RUNX1: variants seen among roughly 807,000 people sequenced by gnomAD.
RUNX1 encodes RUNX family transcription factor 1.
In RUNX1, 19 loss-of-function variants were observed where a neutral mutation model predicts 42.8. That is an observed-to-expected ratio of 0.44 (90% CI 0.31 to 0.65). The LOEUF is 0.65. Among genes scored for constraint, RUNX1 ranks in the 30% least tolerant of loss-of-function variants. RUNX1 has a pLI of 0.07. For synonymous variants in RUNX1, 271 were observed against 289.4 expected (o/e 0.94, Z 0.64); for missense variants, 528 against 672.0 (o/e 0.79, Z 2.37).
intron 5 of RUNX1, among the ~76,000 whole-genome samples, chr21:34,874,866 G>A (rs541857608): frequency 1.3e-5 from 2 of 152,214 alleles, no homozygotes; most frequent in East Asian, 3.9e-4. Context: ...TGCTGAAACA[G>A]GAAGCTCTAA....
intron 2 of RUNX1, among the ~76,000 whole-genome samples, chr21:34,934,425 C>T (rs2058470642): frequency 6.6e-6 from 1 of 152,026 alleles, no homozygotes; most frequent in Admixed American, 6.6e-5. Context: ...TCTGGCTTAC[C>T]ACCCAAAGGA....
At chr21:34,945,128 ATG>A (rs2146646266) in intron 2 of RUNX1, among the ~76,000 whole-genome samples, 1 of 152,340 alleles carries the variant, frequency 6.6e-6, no homozygotes, top group African/African-American at 2.4e-5. Context: ...AGTATCTGTG[ATG>A]TGCCAGCCAT....
At chr21:34,930,291 T>TATATATATATAA (rs1569110394) in intron 2 of RUNX1, among the ~76,000 whole-genome samples, 3 of 138,808 alleles carry the variant, frequency 2.2e-5, no homozygotes, top group East Asian at 2.0e-4. Context: ...TATATATATA[T>TATATATATATAA]AAATAAATAA....
rs555424851 is a variant in RUNX1 at position 34,919,696 on chromosome 21, A to G, written c.59-26733T>C. ...TGAGTGGTCTCCTTATAGAATTGAA[A>G]CAAAATTAGATTCAGGAAGTGGCAT... On this transcript the variant is annotated intron_variant, in intron 2 of 8. Transcript: ENST00000675419. Among the ~76,000 whole-genome samples, 62 of 152,362 alleles carry G rather than the reference A, an allele frequency of 4.1e-4. No individual in the cohort carries two copies. The South Asian group carries it at 0.013, about 31-fold the overall frequency.
intron 2 of RUNX1, among the ~76,000 whole-genome samples, chr21:34,976,913 G>T (rs1715750267): frequency 1.3e-5 from 2 of 151,962 alleles, no homozygotes. Context: ...GTGTGAGGGT[G>T]AGCATCAACA....
chr21:34,865,616 A>C (rs2057650364), intron 5 of RUNX1, among the ~76,000 whole-genome samples: 1 of 152,202 alleles, frequency 6.6e-6, no homozygotes, highest in Non-Finnish European at 1.5e-5. Context: ...CCCCAGGGCC[A>C]GTCAGCGGGG....
Position 34,872,777 on chromosome 21 carries a change from T to C in RUNX1, c.508+7780A>G, listed in dbSNP as rs367852408. On this transcript the variant is annotated intron_variant, in intron 5 of 8. Coordinates refer to ENST00000675419, the MANE Select transcript of RUNX1 (RefSeq NM_001754.5). The stretch of plus-strand genomic sequence containing the variant: ...GTCAGGTTCATGGTAGGACGTTTAG[T>C]AGATCCCTGGCCTCTACTTACTAGA... 5.9e-5 allele frequency among the ~76,000 whole-genome samples: 9 copies of C among 152,256 alleles called. No individual in the cohort carries two copies. In the East Asian group the frequency reaches 9.6e-4, roughly 16 times the overall value.
intron 2 of RUNX1, among the ~76,000 whole-genome samples, chr21:34,935,907 G>C (rs1219451230): frequency 6.6e-6 from 1 of 152,100 alleles, no homozygotes; most frequent in Non-Finnish European, 1.5e-5. Flanking sequence ...AAACATAATA[G>C]ATACCTCCAA....
intron 2 of RUNX1, among the ~76,000 whole-genome samples, chr21:34,919,924 T>C (rs1429130110): frequency 6.6e-6 from 1 of 152,206 alleles, no homozygotes; most frequent in Non-Finnish European, 1.5e-5. Flanking sequence ...CCTTCCTTCC[T>C]CACGGTAATT....
rs192313778 is a variant in RUNX1 at position 34,861,773 on chromosome 21, C to T, written c.509-2195G>A. 3.3e-5 allele frequency among the ~76,000 whole-genome samples: 5 copies of T among 152,310 alleles called. 1 individual carries two copies. The East Asian group carries it at 9.6e-4, about 29-fold the overall frequency. ...CTGCCCTTCAGCATCTGGCAACGGG[C>T]AGTCACTCAGTCACTTGTTTTCCAG... On this transcript the variant is annotated intron_variant, in intron 5 of 8. Coordinates refer to ENST00000675419, the MANE Select transcript of RUNX1 (RefSeq NM_001754.5).
chr21:34,956,732 C>T (rs372952638), intron 2 of RUNX1, among the ~76,000 whole-genome samples: 3 of 152,284 alleles, frequency 2.0e-5, no homozygotes, highest in East Asian at 3.9e-4. Context: ...ATCTGAATTG[C>T]TAGAACATTT....
chr21:34,940,932 A>G (rs1045521842), intron 2 of RUNX1, among the ~76,000 whole-genome samples: 1 of 152,356 alleles, frequency 6.6e-6, no homozygotes, highest in South Asian at 2.1e-4. Context: ...AATGGCAGCA[A>G]TGAGCCAGTA....
chr21:34,973,563 T>C (rs2058777996), intron 2 of RUNX1, among the ~76,000 whole-genome samples: 2 of 152,252 alleles, frequency 1.3e-5, no homozygotes, highest in Non-Finnish European at 2.9e-5. Flanking sequence ...GTTTTATCAC[T>C]GATCCAATCC....
intron 3 of RUNX1, among the ~76,000 whole-genome samples, chr21:34,890,880 T>TGA (rs2058073940): frequency 6.6e-6 from 1 of 152,010 alleles, no homozygotes; most frequent in African/African-American, 2.4e-5. Context: ...GGAAACCTTT[T>TGA]CGCCTGGTCT....
chr21:34,805,513 A>G (rs2056667126), intron 7 of RUNX1, among the ~76,000 whole-genome samples: 2 of 152,246 alleles, frequency 1.3e-5, no homozygotes, highest in Admixed American at 6.5e-5. Context: ...AGGAAAAAGG[A>G]TAAGAATTAC....
At chr21:34,974,873 C>T (rs762915626) in intron 2 of RUNX1, among the ~76,000 whole-genome samples, 9 of 152,166 alleles carry the variant, frequency 5.9e-5, no homozygotes, top group Non-Finnish European at 8.8e-5. Flanking sequence ...CAGACTGTGA[C>T]GTTATAATGG....
At chr21:34,998,175 CT>C (rs929631104) in intron 2 of RUNX1, among the ~76,000 whole-genome samples, 2 of 152,112 alleles carry the variant, frequency 1.3e-5, no homozygotes, top group Admixed American at 1.3e-4. Flanking sequence ...CTTTGCTGCC[CT>C]CGTTTCCTCT....
chr21:34,889,315 A>T (rs941817343), intron 3 of RUNX1, among the ~76,000 whole-genome samples: 1 of 152,060 alleles, frequency 6.6e-6, no homozygotes, highest in Non-Finnish European at 1.5e-5. Context: ...GATTCCTTGC[A>T]TGAGGCCGGA....
At chr21:35,030,751 C>A (rs1373390778) in intron 2 of RUNX1, among the ~76,000 whole-genome samples, 1 of 151,954 alleles carries the variant, frequency 6.6e-6, no homozygotes, top group Admixed American at 6.6e-5. Flanking sequence ...AAAGCTTTTG[C>A]ACAGAAAAGG....
Sources: allele counts gnomAD v4.1 joint callset (sites outside exome capture counted in the v4.1 genomes callset), GRCh38; gene constraint gnomAD v4.1.1; transcripts MANE v1.5; gene names NCBI Gene and HGNC (gene_info 2026-07-23, HGNC 2026-07-21).